Variants in SLIT2 observed in about 807,000 individuals in gnomAD.
SLIT2 encodes the protein slit homolog 2 protein.
SLIT2 carries 41 observed loss-of-function variants against 185.7 expected under a neutral mutation model. The observed-to-expected ratio is 0.22, with a 90% CI of 0.17 to 0.29. SLIT2 has a LOEUF of 0.29. Among genes scored for constraint, SLIT2 ranks in the 10% least tolerant of loss-of-function variants. The pLI, the probability that SLIT2 is intolerant of heterozygous loss-of-function variation, is 1.00. For missense variants in SLIT2, 1,571 were observed against 1,909.0 expected, an observed-to-expected ratio of 0.82 and a Z score of 3.30; for synonymous variants, 693 against 680.2, an observed-to-expected ratio of 1.02 and a Z score of -0.29.
intron 4 of SLIT2, among the ~76,000 whole-genome samples, chr4:20,462,647 T>G (rs766177321): frequency 2.6e-5 from 4 of 152,168 alleles, no homozygotes; most frequent in Non-Finnish European, 5.9e-5. Flanking sequence ...TGTCTGCCCA[T>G]TTTCCCTGTC....
In SLIT2 at chr4:20,472,422, A is replaced by G. The variant is rs558386963; in HGVS notation, c.467+4599A>G. Among the ~76,000 whole-genome samples the G allele has an allele frequency of 1.4e-3, 110 of 80,136 alleles. 4 individuals carry two copies. Among genetic ancestry groups the G allele is most frequent in the African/African-American group, 5.9e-3 (109 of 18,390 alleles). 52.6% of individuals were successfully genotyped at this position (80,136 alleles called of 152,430 possible). On this transcript the variant is annotated intron_variant, in intron 5 of 36. Coordinates refer to ENST00000504154, the MANE Select transcript of SLIT2 (RefSeq NM_004787.4). ...GATATAGATATCTATATATCTATAT[A>G]TATAGATATCTATAGATATATATCT...
At chr4:20,490,912 G>A (rs1018059910) in intron 8 of SLIT2, 2 of 912,012 alleles carry the variant, frequency 2.2e-6, no homozygotes, top group Non-Finnish European at 3.4e-6. Flanking sequence ...CCTCTTCCTG[G>A]CACGTCACCA....
chr4:20,408,742 G>T (rs922931706), intron 4 of SLIT2, among the ~76,000 whole-genome samples: 4 of 152,112 alleles, frequency 2.6e-5, no homozygotes, highest in African/African-American at 9.7e-5. Flanking sequence ...GAGAAGCCTA[G>T]GGGACAGAAT....
At chr4:20,464,870 G>C (rs1419544377) in intron 4 of SLIT2, among the ~76,000 whole-genome samples, 2 of 151,272 alleles carry the variant, frequency 1.3e-5, no homozygotes, top group Non-Finnish European at 2.9e-5. Context: ...TCATCCTTCT[G>C]TTTGATATTC....
chr4:20,315,672 C>T (rs1471297391), intron 4 of SLIT2, among the ~76,000 whole-genome samples: 2 of 151,886 alleles, frequency 1.3e-5, no homozygotes, highest in Non-Finnish European at 2.9e-5. Context: ...AAATTTCAAG[C>T]TGTTAAAAAT....
intron 4 of SLIT2, among the ~76,000 whole-genome samples, chr4:20,453,618 A>G (rs1180468941): frequency 6.6e-6 from 1 of 152,148 alleles, no homozygotes; most frequent in Non-Finnish European, 1.5e-5. Context: ...AGAAAGAAAA[A>G]CTGGCTCAAG....
chr4:20,362,135 C>T (rs575726983), intron 4 of SLIT2, among the ~76,000 whole-genome samples: 139 of 152,176 alleles, frequency 9.1e-4, no homozygotes, highest in African/African-American at 3.0e-3. Context: ...TCCTTTCCTG[C>T]GCTGGATGGC....
intron 4 of SLIT2, among the ~76,000 whole-genome samples, chr4:20,277,988 G>C (rs1314393568): frequency 6.6e-6 from 1 of 151,738 alleles, no homozygotes; most frequent in Non-Finnish European, 1.5e-5. Flanking sequence ...TGCATAGTTA[G>C]TAACACTTTA....
At chr4:20,404,146 A>G (rs1726579454) in intron 4 of SLIT2, among the ~76,000 whole-genome samples, 1 of 151,984 alleles carries the variant, frequency 6.6e-6, no homozygotes, top group African/African-American at 2.4e-5. Context: ...TACTATCTGA[A>G]TGTAATGAAG....
intron 30 of SLIT2, among the ~76,000 whole-genome samples, chr4:20,594,168 T>A (rs992872677): frequency 6.7e-6 from 1 of 149,936 alleles, no homozygotes; most frequent in Non-Finnish European, 1.5e-5. Flanking sequence ...TATGTGTGTA[T>A]ATATGTATGT....
chr4:20,314,207 ACTTT>A (rs1246572017), intron 4 of SLIT2, among the ~76,000 whole-genome samples: 2 of 152,262 alleles, frequency 1.3e-5, no homozygotes, highest in African/African-American at 4.8e-5. Context: ...ATCTTGGGCA[ACTTT>A]CTGAGTTTTA....
chr4:20,362,665 A>G (rs1441204404), intron 4 of SLIT2, among the ~76,000 whole-genome samples: 2 of 151,668 alleles, frequency 1.3e-5, no homozygotes. Context: ...TAGCTTGCAT[A>G]AATATGTTTA....
At position 20,617,538 on chromosome 4, in the gene SLIT2, G is replaced by A. The variant is rs1334348585; in HGVS notation, c.4236G>A (p.Leu1412=). The A allele has an allele frequency of 6.2e-7, 1 of 1,613,914 alleles. No individual in the cohort carries two copies. Among genetic ancestry groups the A allele is most frequent in the Admixed American group, 1.7e-5 (1 of 59,988 alleles). Residue 1412 remains leucine, a synonymous_variant, in exon 36 of 37, where the codon CTG becomes CTA. Coordinates refer to ENST00000504154, the MANE Select transcript of SLIT2 (RefSeq NM_004787.4). Reference sequence around the variant, plus strand: ...TCCTCTGTGATGAAGAGGAGGATCTGTTTAACCCATGCCAGGCGATCAAGT... The same window carrying A: ...TCCTCTGTGATGAAGAGGAGGATCTATTTAACCCATGCCAGGCGATCAAGT... ...GGVLCDEEED[L]FNPCQAIKCK...
At chr4:20,404,560 G>A (rs1338393254) in intron 4 of SLIT2, among the ~76,000 whole-genome samples, 1 of 151,938 alleles carries the variant, frequency 6.6e-6, no homozygotes, top group Non-Finnish European at 1.5e-5. Flanking sequence ...GTTATTACAT[G>A]TATTTCCTAA....
chr4:20,496,239 T>C (rs1030771326), intron 9 of SLIT2, among the ~76,000 whole-genome samples: 1 of 146,622 alleles, frequency 6.8e-6, no homozygotes, highest in Non-Finnish European at 1.5e-5. Context: ...TGTTTCCAAC[T>C]ACAAATTCAT....
intron 4 of SLIT2, among the ~76,000 whole-genome samples, chr4:20,423,053 A>T (rs1728284743): frequency 6.6e-6 from 1 of 151,930 alleles, no homozygotes; most frequent in African/African-American, 2.4e-5. Flanking sequence ...CCCAATCTCT[A>T]CTATGCTTGT....
chr4:20,578,514 AAC>A lies in SLIT2; in HGVS notation c.3088+9512_3088+9513del, dbSNP rs200010967. Among the ~76,000 whole-genome samples the A allele has an allele frequency of 7.9e-5, 12 of 152,302 alleles. No homozygotes were observed. The East Asian group carries it at 2.1e-3, about 27-fold the overall frequency. ...ATATTAATAATTATTTCTTATAAAAAACAGTTTGTTACAAGTTACAGTAGGAA... is the reference window on the plus strand; with the variant it reads ...ATATTAATAATTATTTCTTATAAAAAAGTTTGTTACAAGTTACAGTAGGAA... On this transcript the variant is annotated intron_variant, in intron 29 of 36. Transcript: ENST00000504154.
intron 33 of SLIT2, among the ~76,000 whole-genome samples, chr4:20,598,801 C>T (rs1209839511): frequency 4.6e-5 from 7 of 152,164 alleles, no homozygotes; most frequent in Admixed American, 3.9e-4. Context: ...CTCAAGGAAA[C>T]AACCAGCTTT....
Position 20,620,465 on chromosome 4 carries a change from GATGTAC to G in SLIT2, c.*1462_*1467del, listed in dbSNP as rs1409396290. 4.4e-6 allele frequency: 2 copies of G among 453,040 alleles called. No homozygotes were observed. Among genetic ancestry groups the G allele is most frequent in the Admixed American group, 2.4e-5 (1 of 41,934 alleles). 28.1% of individuals were successfully genotyped at this position (453,040 alleles called of 1,614,324 possible). A position where few individuals can be genotyped will look rare whatever the true frequency, so the allele number is the denominator to read the frequency against. ...ACTTCTTTTTTTACAAAGAAAATTA[GATGTAC>G]ATGTATAATTCAGTGTGCTTTGTCT... On this transcript the variant is annotated 3_prime_UTR_variant, in exon 37 of 37. Coordinates refer to ENST00000504154, the MANE Select transcript of SLIT2 (RefSeq NM_004787.4).
Sources: gnomAD v4.1 joint callset for allele counts (sites outside exome capture counted in the v4.1 genomes callset) on GRCh38, gnomAD v4.1.1 for gene constraint, MANE v1.5 for transcripts, NCBI Gene and HGNC (gene_info 2026-07-23, HGNC 2026-07-21) for gene names.